SERPINI1: variants seen among roughly 807,000 people sequenced by gnomAD.
The protein encoded by SERPINI1 is serpin family I member 1, also known as neuroserpin.
A neutral mutation model predicts 41.1 loss-of-function variants in SERPINI1; 19 were observed. The observed-to-expected ratio is 0.46, with a 90% CI of 0.32 to 0.68. The LOEUF is 0.68. Ranked by LOEUF, SERPINI1 falls within the 30% of genes least tolerant of loss-of-function variation. The pLI, the probability that SERPINI1 is intolerant of heterozygous loss-of-function variation, is 0.03. For missense variants in SERPINI1, 460 were observed against 479.2 expected (o/e 0.96, Z 0.37); for synonymous variants, 138 against 156.6 (o/e 0.88, Z 0.89).
intron 3 of SERPINI1, among the ~76,000 whole-genome samples, chr3:167,791,314 C>A (rs1162363471): frequency 6.6e-6 from 1 of 151,848 alleles, no homozygotes; most frequent in Non-Finnish European, 1.5e-5. Context: ...TCAAAGCTAC[C>A]CAAATCATGT....
At chr3:167,769,007 T>TGTTC (rs1156381314) in intron 1 of SERPINI1, among the ~76,000 whole-genome samples, 1 of 151,862 alleles carries the variant, frequency 6.6e-6, no homozygotes, top group Non-Finnish European at 1.5e-5. Flanking sequence ...TTTGTTTGTT[T>TGTTC]GTTTTGAGAT....
chr3:167,785,436 G>A (rs1727274103), intron 1 of SERPINI1, among the ~76,000 whole-genome samples: 1 of 152,232 alleles, frequency 6.6e-6, no homozygotes, highest in African/African-American at 2.4e-5. Flanking sequence ...CTTATATATT[G>A]TCCCACTTAT....
intron 1 of SERPINI1, among the ~76,000 whole-genome samples, chr3:167,769,675 G>A (rs968721824): frequency 6.6e-6 from 1 of 152,118 alleles, no homozygotes; most frequent in African/African-American, 2.4e-5. Context: ...ATGCCTTAGA[G>A]TCATTCTCTA....
chr3:167,792,901 A>G, intron 4 of SERPINI1, 117 bp downstream of exon 4: 1 of 849,566 alleles, frequency 1.2e-6, no homozygotes, highest in Non-Finnish European at 1.9e-6. Context: ...CTACAATTCA[A>G]TTTTTTGGCT....
chr3:167,792,776 T>A lies in SERPINI1; in HGVS notation c.668T>A (p.Phe223Tyr). The A allele has an allele frequency of 1.2e-6, 2 of 1,612,904 alleles. No individual in the cohort carries two copies. Among genetic ancestry groups the A allele is most frequent in the South Asian group, 2.2e-5 (2 of 91,038 alleles). Residue 223 changes from phenylalanine to tyrosine, a missense_variant, in exon 4 of 9, where the codon TTT becomes TAT. Transcript: ENST00000446050. ...QIPMMYQQGE[F>Y]YYGEFSDGSN... ...CCAATGATGTATCAGCAAGGAGAAT[T>A]TTATTATGGTAAGACATTTTTTGCT...
Position 167,740,216 on chromosome 3 carries a change from A to G in SERPINI1, c.-19+4393A>G, listed in dbSNP as rs79234820. Reference sequence around the variant, plus strand: ...CTCAGCTAATTTTAACTTTTTATAGAGATAAGGGTCTCACTGTGTTGCCCA... The same window carrying G: ...CTCAGCTAATTTTAACTTTTTATAGGGATAAGGGTCTCACTGTGTTGCCCA... On this transcript the variant is annotated intron_variant, in intron 1 of 8. Coordinates refer to ENST00000446050, the MANE Select transcript of SERPINI1 (RefSeq NM_001122752.2). Among the ~76,000 whole-genome samples, 1,460 of 152,104 alleles carry G rather than the reference A, an allele frequency of 9.6e-3. 30 individuals are homozygous for G. In the East Asian group the frequency reaches 0.096, roughly 10 times the overall value.
At chr3:167,752,033 T>C (rs1192274021) in intron 1 of SERPINI1, among the ~76,000 whole-genome samples, 1 of 152,180 alleles carries the variant, frequency 6.6e-6, no homozygotes, top group Non-Finnish European at 1.5e-5. Context: ...ACAGGTTTGT[T>C]TTGAGATTAG....
rs1553774967 is a variant in SERPINI1, at chr3:167,794,786, C to T, written c.843C>T (p.Asn281=). The change falls in exon 5 of 9, where the codon AAC becomes AAT. Residue 281 remains asparagine, a synonymous_variant. Transcript: ENST00000446050. ...VKAQLVEEWA[N]SVKKQKVEVY... is the part of the protein sequence containing the mutation. Reference sequence around the variant, plus strand: ...CACAGCTGGTTGAAGAATGGGCAAACTCTGTGAAGAAGCAAAAAGTAGAAG... The same window carrying T: ...CACAGCTGGTTGAAGAATGGGCAAATTCTGTGAAGAAGCAAAAAGTAGAAG... 6.2e-7 allele frequency: 1 copy of T among 1,613,448 alleles called. No homozygotes were observed. The highest frequency in any genetic ancestry group is 1.3e-5 in the African/African-American group (1 of 74,870).
At chr3:167,737,893 C>T (rs917349105) in intron 1 of SERPINI1, among the ~76,000 whole-genome samples, 2 of 151,974 alleles carry the variant, frequency 1.3e-5, no homozygotes, top group African/African-American at 2.4e-5. Flanking sequence ...TGATTTTTTT[C>T]ACCTGTTTCC....
chr3:167,749,711 A>G (rs902598890), intron 1 of SERPINI1, among the ~76,000 whole-genome samples: 1 of 152,246 alleles, frequency 6.6e-6, no homozygotes, highest in Non-Finnish European at 1.5e-5. Flanking sequence ...TGTGAAATTC[A>G]CCTTATTTAT....
intron 1 of SERPINI1, among the ~76,000 whole-genome samples, chr3:167,762,290 C>T (rs1726409902): frequency 6.6e-6 from 1 of 152,034 alleles, no homozygotes; most frequent in African/African-American, 2.4e-5. Flanking sequence ...CCTGCAGTGC[C>T]CTTCTCCTCC....
At chr3:167,823,147 A>G in intron 7 of SERPINI1, 75 bp downstream of exon 7, 1 of 1,025,220 alleles carries the variant, frequency 9.8e-7, no homozygotes, top group Non-Finnish European at 1.6e-6. Flanking sequence ...GAGTGGGGTC[A>G]TTTTCAAAAT....
intron 1 of SERPINI1, among the ~76,000 whole-genome samples, chr3:167,743,931 C>G (rs896189354): frequency 1.8e-4 from 28 of 152,004 alleles, no homozygotes; most frequent in African/African-American, 6.3e-4. Flanking sequence ...AGTCACACTA[C>G]CTTGTTTTAT....
intron 1 of SERPINI1, among the ~76,000 whole-genome samples, chr3:167,742,033 T>C (rs1488842505): frequency 1.3e-5 from 2 of 151,864 alleles, no homozygotes; most frequent in Non-Finnish European, 2.9e-5. Flanking sequence ...AAAATGCAAA[T>C]AACTAGTTAT....
intron 1 of SERPINI1, among the ~76,000 whole-genome samples, chr3:167,738,428 A>G (rs531500099): frequency 1.7e-4 from 26 of 152,292 alleles, no homozygotes; most frequent in African/African-American, 5.5e-4. Flanking sequence ...TGCATGCAGC[A>G]CAAAAGAGCA....
At chr3:167,771,524 A>G (rs1483387523) in intron 1 of SERPINI1, among the ~76,000 whole-genome samples, 4 of 152,206 alleles carry the variant, frequency 2.6e-5, no homozygotes, top group African/African-American at 7.2e-5. Flanking sequence ...ACTGAGGGAA[A>G]CTGGCTAAGG....
intron 4 of SERPINI1, among the ~76,000 whole-genome samples, chr3:167,793,377 T>G (rs1727591945): frequency 6.6e-6 from 1 of 151,972 alleles, no homozygotes; most frequent in Admixed American, 6.6e-5. Context: ...AATAATTTGT[T>G]AAGTCATAAT....
intron 1 of SERPINI1, among the ~76,000 whole-genome samples, chr3:167,780,427 CAGCAT>C (rs1362414037): frequency 2.0e-5 from 3 of 152,306 alleles, no homozygotes; most frequent in East Asian, 1.9e-4. Context: ...CAGTTGTCCT[CAGCAT>C]AGCATTCATG....
At chr3:167,751,941 CA>C (rs767047644) in intron 1 of SERPINI1, among the ~76,000 whole-genome samples, 4 of 151,686 alleles carry the variant, frequency 2.6e-5, no homozygotes, top group East Asian at 1.9e-4. Flanking sequence ...TTTGACCTAC[CA>C]AAAAAAGGTA....
Sources: gnomAD v4.1 joint callset for allele counts (sites outside exome capture counted in the v4.1 genomes callset) on GRCh38, gnomAD v4.1.1 for gene constraint, MANE v1.5 for transcripts, NCBI Gene and HGNC (gene_info 2026-07-23, HGNC 2026-07-21) for gene names.